The following RALGPS1 variants were observed in gnomAD, a reference collection of about 807,000 sequenced individuals.
RALGPS1 encodes ras-specific guanine nucleotide-releasing factor RalGPS1.
RALGPS1 carries 19 observed loss-of-function variants against 78.8 expected under a neutral mutation model. The ratio of observed to expected loss-of-function variants is 0.24; its 90% confidence interval spans 0.17 to 0.35. The LOEUF is 0.35. Ranked by LOEUF, RALGPS1 falls within the 10% of genes least tolerant of loss-of-function variation. The probability of loss-of-function intolerance (pLI) is 1.00; values close to 1 mark genes in which losing one functional copy is unlikely to be tolerated. For missense variants in RALGPS1, 454 were observed against 688.3 expected, an observed-to-expected ratio of 0.66 and a Z score of 3.81; for synonymous variants, 228 against 256.3, an observed-to-expected ratio of 0.89 and a Z score of 1.06.
At chr9:127,208,393 C>T (rs999592846) in intron 14 of RALGPS1, among the ~76,000 whole-genome samples, 7 of 152,192 alleles carry the variant, frequency 4.6e-5, no homozygotes, top group African/African-American at 1.4e-4. Flanking sequence ...TTTATGCTGC[C>T]GCCTCTCCCT....
intron 1 of RALGPS1, among the ~76,000 whole-genome samples, chr9:126,948,309 A>T (rs1039993398): frequency 4.6e-5 from 7 of 152,166 alleles, no homozygotes; most frequent in African/African-American, 1.7e-4. Flanking sequence ...TGAGGCCTGG[A>T]GTTTAAGACC....
At chr9:127,082,333 A>G (rs1241904834) in intron 8 of RALGPS1, among the ~76,000 whole-genome samples, 1 of 152,196 alleles carries the variant, frequency 6.6e-6, no homozygotes, top group Non-Finnish European at 1.5e-5. Flanking sequence ...GCTGTGGAAC[A>G]TTCTCCAGCA....
intron 1 of RALGPS1, among the ~76,000 whole-genome samples, chr9:126,958,118 T>C (rs1184031294): frequency 1.1e-5 from 1 of 87,818 alleles, no homozygotes; most frequent in Admixed American, 1.4e-4. Context: ...GAAACAGAGC[T>C]GTCTCTTTAA....
rs1431033550 is a variant in RALGPS1 at position 127,040,084 on chromosome 9, G to A, written c.300+5570G>A. ...TTTTTGGAAGGGTCAAGATGCAAGG[G>A]AAGTTAAACTAGTGTCAAAGAAAAG... is the stretch of plus-strand genomic sequence containing the variant. On this transcript the variant is annotated intron_variant, in intron 5 of 18. Transcript: ENST00000259351. Among the ~76,000 whole-genome samples, 4 of 152,166 alleles carry A rather than the reference G, an allele frequency of 2.6e-5. No individual in the cohort carries two copies. In the East Asian group the frequency reaches 7.7e-4, roughly 29 times the overall value.
rs1554763340 is a variant in RALGPS1 at position 126,952,656 on chromosome 9, A to AGAGTGT, written c.-65-9568_-65-9567insAGTGTG. On this transcript the variant is annotated intron_variant, in intron 1 of 18. Transcript: ENST00000259351. ...GAGAGAGAGAGAGAGAGAGAGAGAGAGTGTGTGTGTGTGTGTGTGTGTGTC... is the reference window on the plus strand; with the variant it reads ...GAGAGAGAGAGAGAGAGAGAGAGAGAGAGTGTGTGTGTGTGTGTGTGTGTGTGTGTC... 3.9e-3 allele frequency among the ~76,000 whole-genome samples: 536 copies of AGAGTGT among 138,890 alleles called. 3 individuals carry two copies. The highest frequency in any genetic ancestry group is 0.014 in the African/African-American group (518 of 38,016). 91.1% of individuals were successfully genotyped at this position (138,890 alleles called of 152,430 possible). A position where few individuals can be genotyped will look rare whatever the true frequency, so the allele number is the denominator to read the frequency against.
chr9:127,038,003 C>T (rs1321133401), intron 5 of RALGPS1, among the ~76,000 whole-genome samples: 1 of 152,124 alleles, frequency 6.6e-6, no homozygotes, highest in East Asian at 1.9e-4. Context: ...GGATGAGGGC[C>T]AGAAAGGAAG....
At chr9:127,101,897 A>AAAGT (rs2053767448) in intron 8 of RALGPS1, among the ~76,000 whole-genome samples, 1 of 152,238 alleles carries the variant, frequency 6.6e-6, no homozygotes, top group African/African-American at 2.4e-5. Flanking sequence ...ATATCAGGGA[A>AAAGT]AAGTAACTTA....
intron 3 of RALGPS1, among the ~76,000 whole-genome samples, chr9:126,970,101 G>T (rs1313147182): frequency 6.6e-6 from 1 of 152,076 alleles, no homozygotes; most frequent in Non-Finnish European, 1.5e-5. Flanking sequence ...GGCGGCAGTA[G>T]CATATTTTTA....
At chr9:127,040,719 G>A (rs1442574749) in intron 5 of RALGPS1, among the ~76,000 whole-genome samples, 1 of 152,130 alleles carries the variant, frequency 6.6e-6, no homozygotes, top group East Asian at 1.9e-4. Context: ...TGTTGAAGTT[G>A]CCCAAGGAAG....
chr9:127,210,873 CAG>C (rs904877165), intron 14 of RALGPS1: 2 of 1,089,404 alleles, frequency 1.8e-6, no homozygotes, highest in African/African-American at 3.2e-5. Flanking sequence ...CCGAAAGAAA[CAG>C]ACACAGCCTT....
intron 4 of RALGPS1, among the ~76,000 whole-genome samples, chr9:126,986,442 G>C (rs1012141170): frequency 1.3e-5 from 2 of 152,122 alleles, no homozygotes; most frequent in East Asian, 3.9e-4. Flanking sequence ...GCCAGGGCTT[G>C]GGGCAAGGGC....
Position 127,050,060 on chromosome 9 carries a change from A to G in RALGPS1, c.318A>G (p.Val106=). Residue 106 remains valine, a synonymous_variant, in exon 6 of 19, where the codon GTA becomes GTG. Transcript: ENST00000259351. ...CTCTACAGGTCAGTTTTTGGGTTGT[A>G]CGAGAAATTCTAACAGCACAGACTT... The part of the protein sequence containing the change: ...RRFNQVSFWV[V]REILTAQTLK... The G allele has an allele frequency of 1.2e-6, 2 of 1,613,840 alleles. No individual in the cohort carries two copies. Among genetic ancestry groups the G allele is most frequent in the Non-Finnish European group, 1.7e-6 (2 of 1,179,720 alleles).
At chr9:127,001,733 A>C (rs1260498941) in intron 4 of RALGPS1, among the ~76,000 whole-genome samples, 1 of 152,076 alleles carries the variant, frequency 6.6e-6, no homozygotes, top group East Asian at 1.9e-4. Flanking sequence ...AAAATATAAA[A>C]ATTAGCTGGG....
intron 5 of RALGPS1, among the ~76,000 whole-genome samples, chr9:127,037,255 A>G (rs1336561794): frequency 6.6e-6 from 1 of 152,246 alleles, no homozygotes; most frequent in Admixed American, 6.5e-5. Context: ...GCATATGTGC[A>G]AGGTTGGCCT....
Position 127,111,337 on chromosome 9 carries a change from A to C in RALGPS1, c.610+41981A>C, listed in dbSNP as rs58411596. ...CAGTGTCCTTATCACCATAAGATAC[A>C]CGCTGTCTCCTCCCCGTTCCCTTGA... On this transcript the variant is annotated intron_variant, in intron 8 of 18. Transcript: ENST00000259351. Among the ~76,000 whole-genome samples, 820 of 152,340 alleles carry C rather than the reference A, an allele frequency of 5.4e-3. 25 individuals carry two copies. In the East Asian group the frequency reaches 0.085, roughly 16 times the overall value.
chr9:127,023,581 G>A (rs2045672672), intron 4 of RALGPS1, among the ~76,000 whole-genome samples: 1 of 152,116 alleles, frequency 6.6e-6, no homozygotes, highest in Non-Finnish European at 1.5e-5. Context: ...TTCCCCTCCA[G>A]CCATGAGCTT....
At position 127,131,975 on chromosome 9, in the gene RALGPS1, A is replaced by G. The variant is rs2057035470; in HGVS notation, c.611-34094A>G. ...TGGGGCCCGGGAATTTGCATTTCTA[A>G]CAAGTTCACATGAGGCCCTTGCTGT... On this transcript the variant is annotated intron_variant, in intron 8 of 18. Coordinates refer to ENST00000259351, the MANE Select transcript of RALGPS1 (RefSeq NM_014636.3). 2.0e-5 allele frequency among the ~76,000 whole-genome samples: 3 copies of G among 152,144 alleles called. No individual in the cohort carries two copies. The South Asian group carries it at 6.2e-4, about 32-fold the overall frequency.
chr9:126,924,563 G>T (rs2035082297), intron 1 of RALGPS1, among the ~76,000 whole-genome samples: 1 of 152,186 alleles, frequency 6.6e-6, no homozygotes, highest in African/African-American at 2.4e-5. Context: ...ATGTAAACAG[G>T]AATATCTTTG....
chr9:127,006,908 ATTAAC>A (rs1411831962), intron 4 of RALGPS1, among the ~76,000 whole-genome samples: 1 of 131,036 alleles, frequency 7.6e-6, no homozygotes, highest in African/African-American at 2.5e-5. Flanking sequence ...GGGTGTCGGT[ATTAAC>A]TTTTGTGCAT....
Sources: allele counts gnomAD v4.1 joint callset (sites outside exome capture counted in the v4.1 genomes callset), GRCh38; gene constraint gnomAD v4.1.1; transcripts MANE v1.5; gene names NCBI Gene and HGNC (gene_info 2026-07-23, HGNC 2026-07-21).